APBA1: variants seen among roughly 807,000 people sequenced by gnomAD.
APBA1 encodes amyloid-beta A4 precursor protein-binding family A member 1.
A neutral mutation model predicts 86.6 loss-of-function variants in APBA1; 55 were observed. The observed-to-expected ratio is 0.64, with a 90% confidence interval of 0.51 to 0.80. The LOEUF (loss-of-function observed/expected upper bound fraction) is 0.80. Ranked by LOEUF, APBA1 falls within the 30% of genes least tolerant of loss-of-function variation. The probability of loss-of-function intolerance (pLI) is 0.00; values close to 1 mark genes in which losing one functional copy is unlikely to be tolerated. For missense variants in APBA1, 1,090 were observed against 1,183.0 expected (o/e 0.92, Z 1.15); for synonymous variants, 511 against 493.9 (o/e 1.03, Z -0.46).
intron 2 of APBA1, among the ~76,000 whole-genome samples, chr9:69,511,684 C>A (rs1266582051): frequency 6.6e-6 from 1 of 151,918 alleles, no homozygotes; most frequent in Admixed American, 6.6e-5. Flanking sequence ...AAATGTCCAA[C>A]AATGACAGAC....
chr9:69,471,428 A>G (rs1236645990), intron 4 of APBA1, among the ~76,000 whole-genome samples: 2 of 152,160 alleles, frequency 1.3e-5, no homozygotes, highest in Non-Finnish European at 2.9e-5. Flanking sequence ...CTTCGACTCC[A>G]ATTTCAGAGT....
At chr9:69,668,130 A>T (rs1477026526) in intron 1 of APBA1, among the ~76,000 whole-genome samples, 1 of 151,888 alleles carries the variant, frequency 6.6e-6, no homozygotes, top group Non-Finnish European at 1.5e-5. Flanking sequence ...TTCTTTCTTC[A>T]TTTTCTTTAT....
chr9:69,636,743 C>T (rs1402864249), intron 1 of APBA1, among the ~76,000 whole-genome samples: 1 of 144,634 alleles, frequency 6.9e-6, no homozygotes, highest in Non-Finnish European at 1.5e-5. Flanking sequence ...TGCAATGAGC[C>T]ATGATGGCAC....
intron 11 of APBA1, among the ~76,000 whole-genome samples, chr9:69,437,421 T>C (rs1470671904): frequency 1.5e-5 from 2 of 137,580 alleles, no homozygotes; most frequent in Non-Finnish European, 3.1e-5. Context: ...CTCTTTTTGG[T>C]TGGTAAGCTA....
At chr9:69,437,243 T>C (rs574581229) in intron 11 of APBA1, among the ~76,000 whole-genome samples, 7 of 151,824 alleles carry the variant, frequency 4.6e-5, no homozygotes, top group Admixed American at 4.6e-4. Context: ...ATTATCTTTT[T>C]TGGTTGTGTC....
chr9:69,524,179 A>G (rs1262146540), intron 1 of APBA1, among the ~76,000 whole-genome samples: 1 of 152,130 alleles, frequency 6.6e-6, no homozygotes, highest in African/African-American at 2.4e-5. Flanking sequence ...GAGGAACTAG[A>G]AAAACAAGAA....
intron 1 of APBA1, among the ~76,000 whole-genome samples, chr9:69,530,657 C>G (rs1836416353): frequency 6.6e-6 from 1 of 152,140 alleles, no homozygotes; most frequent in African/African-American, 2.4e-5. Context: ...GAAGCCCAGT[C>G]CCCACCAGTA....
intron 1 of APBA1, among the ~76,000 whole-genome samples, chr9:69,648,593 C>A (rs1823434216): frequency 6.6e-6 from 1 of 152,156 alleles, no homozygotes; most frequent in South Asian, 2.1e-4. Context: ...AGAGCACAGA[C>A]CACCCAGCTA....
chr9:69,514,619 CAGAAACCGG>C (rs1251566862), intron 2 of APBA1, among the ~76,000 whole-genome samples: 1 of 151,386 alleles, frequency 6.6e-6, no homozygotes, highest in African/African-American at 2.4e-5. Context: ...AAAAAAATTG[CAGAAACCGG>C]CCAGGTGCTG....
chr9:69,516,800 GTGCTCGGCCTCTGCC>G lies in APBA1; in HGVS notation c.396_410del (p.Gln132_Glu136del). 6.2e-7 allele frequency: 1 copy of G among 1,609,232 alleles called. No individual in the cohort carries two copies. Among genetic ancestry groups the G allele is most frequent in the Non-Finnish European group, 8.5e-7 (1 of 1,179,396 alleles). ...GCGCGCGGCGGTGCGTGGCCTCGGC[GTGCTCGGCCTCTGCC>G]TGCTCCGTGTACTCCTCGGCCTCGG... On this transcript the variant is annotated inframe_deletion, in exon 2 of 13. Transcript: ENST00000265381. This position sits in a 1 kb window ranked among gnomAD's most constrained non-coding sequence, Gnocchi z 7.3.
chr9:69,557,492 T>C (rs1836880778), intron 1 of APBA1, among the ~76,000 whole-genome samples: 1 of 152,198 alleles, frequency 6.6e-6, no homozygotes, highest in Non-Finnish European at 1.5e-5. Flanking sequence ...TTCTTCCTCC[T>C]CCTCACCCGC....
intron 1 of APBA1, among the ~76,000 whole-genome samples, chr9:69,567,796 T>G (rs1463072272): frequency 6.6e-6 from 1 of 152,078 alleles, no homozygotes; most frequent in Non-Finnish European, 1.5e-5. Context: ...GTCCGGGACA[T>G]CCTGTGGGGG....
At chr9:69,452,048 C>T (rs538191675) in intron 9 of APBA1, 74 bp downstream of exon 9, 65 of 1,407,706 alleles carry the variant, frequency 4.6e-5, no homozygotes, top group African/African-American at 1.4e-4. Flanking sequence ...TTCACTTCCG[C>T]GGCAGGGTGC....
At chr9:69,626,071 T>C (rs7869217) in intron 1 of APBA1, among the ~76,000 whole-genome samples, 148,460 of 152,264 alleles carry the variant, frequency 0.98, 72,483 homozygotes, top group East Asian at 1. Context: ...ACAGGTCATG[T>C]CAAATTTTTG....
At chr9:69,604,148 TAGAC>T (rs1012392007) in intron 1 of APBA1, among the ~76,000 whole-genome samples, 16 of 152,160 alleles carry the variant, frequency 1.1e-4, no homozygotes, top group African/African-American at 2.9e-4. Context: ...AAGAAGTTGT[TAGAC>T]AGCGTTTGTG....
At chr9:69,621,326 GTTTTC>G (rs1464262737) in intron 1 of APBA1, among the ~76,000 whole-genome samples, 1 of 152,086 alleles carries the variant, frequency 6.6e-6, no homozygotes, top group Non-Finnish European at 1.5e-5. Context: ...TCATTACCTT[GTTTTC>G]TGGTACTTCA....
chr9:69,576,023 C>T (rs1251078385), intron 1 of APBA1, among the ~76,000 whole-genome samples: 3 of 152,116 alleles, frequency 2.0e-5, no homozygotes, highest in Non-Finnish European at 2.9e-5. Context: ...AAAAAACAAA[C>T]AATCCCAACA....
chr9:69,445,109 T>G (rs924447791), intron 10 of APBA1, among the ~76,000 whole-genome samples: 1 of 152,218 alleles, frequency 6.6e-6, no homozygotes, highest in African/African-American at 2.4e-5. Flanking sequence ...CAGAAAATGT[T>G]ACCCAACATA....
rs1834572922 is a variant in APBA1, at chr9:69,430,595, T to C, written c.*732A>G. 6.6e-6 allele frequency: 1 copy of C among 152,184 alleles called. No individual in the cohort carries two copies. The highest frequency in any genetic ancestry group is 1.5e-5 in the Non-Finnish European group (1 of 68,098). 9.4% of individuals were successfully genotyped at this position (152,184 alleles called of 1,614,324 possible). A position where few individuals can be genotyped will look rare whatever the true frequency, so the allele number is the denominator to read the frequency against. ...AGAAGCAGACAGTACCTGCCTGTGT[T>C]TATCTAATGGTTGATAACTTGAGGA... On this transcript the variant is annotated 3_prime_UTR_variant, in exon 13 of 13. Transcript: ENST00000265381.
Sources: gnomAD v4.1 joint callset for allele counts (sites outside exome capture counted in the v4.1 genomes callset) on GRCh38, gnomAD v4.1.1 for gene constraint, Gnocchi (gnomAD v3.1) non-coding constraint, MANE v1.5 for transcripts, NCBI Gene and HGNC (gene_info 2026-07-23, HGNC 2026-07-21) for gene names.